SPTA1: variants seen among roughly 807,000 people sequenced by gnomAD.
SPTA1 encodes the protein spectrin alpha, erythrocytic 1, also known as spectrin alpha chain, erythrocytic 1.
SPTA1 carries 177 observed loss-of-function variants against 324.7 expected under a neutral mutation model. The ratio of observed to expected loss-of-function variants is 0.55; its 90% confidence interval spans 0.48 to 0.62. The LOEUF (loss-of-function observed/expected upper bound fraction) is 0.62. Ranked by LOEUF, SPTA1 falls within the 20% of genes least tolerant of loss-of-function variation. The pLI, the probability that SPTA1 is intolerant of heterozygous loss-of-function variation, is 0.00. For synonymous variants in SPTA1, 1,195 were observed against 1,041.3 expected (o/e 1.15, Z -2.84); for missense variants, 3,162 against 2,883.6 (o/e 1.10, Z -2.21).
intron 35 of SPTA1, 122 bp downstream of exon 35, chr1:158,639,460 G>C: frequency 1.0e-6 from 1 of 982,840 alleles, no homozygotes; most frequent in East Asian, 2.4e-5. Context: ...ATGACTGCTG[G>C]TTGAGAACAC....
chr1:158,644,468 C>T, intron 29 of SPTA1, 72 bp from the exon 30 acceptor site: 1 of 1,576,644 alleles, frequency 6.3e-7, no homozygotes, highest in Non-Finnish European at 8.7e-7. Context: ...ACACCTCTTT[C>T]AGGATCATGA....
Position 158,645,351 on chromosome 1 carries a change from G to A in SPTA1, c.4031C>T (p.Thr1344Ile). 1.2e-6 allele frequency: 2 copies of A among 1,613,970 alleles called. No individual in the cohort carries two copies. Among genetic ancestry groups the A allele is most frequent in the African/African-American group, 1.3e-5 (1 of 75,016 alleles). ...ACTGAAGTCCTCTAAGGCCTGGAAGGTGGGAGCCTCTGCCTCCATGTCAGC... is the reference window on the plus strand; with the variant it reads ...ACTGAAGTCCTCTAAGGCCTGGAAGATGGGAGCCTCTGCCTCCATGTCAGC... ...HRADMEAEAP[T>I]FQALEDFSAE... is the part of the protein sequence containing the mutation. The change falls in exon 29 of 52, where the codon ACC becomes ATC. Residue 1344 changes from threonine to isoleucine, a missense_variant. Physicochemically the swap from Thr to Ile is moderately conservative, Grantham distance 89 (BLOSUM62 -1). Transcript: ENST00000643759.
At chr1:158,672,381 A>T (rs1240134401) in intron 10 of SPTA1, among the ~76,000 whole-genome samples, 185 bp from the exon 11 acceptor site, 1 of 152,218 alleles carries the variant, frequency 6.6e-6, no homozygotes, top group Non-Finnish European at 1.5e-5. Context: ...TCCATAAAAG[A>T]GGTAAAACAC....
At chr1:158,683,701 C>A (rs992915176) in intron 2 of SPTA1, among the ~76,000 whole-genome samples, 2 of 151,960 alleles carry the variant, frequency 1.3e-5, no homozygotes, top group Non-Finnish European at 2.9e-5. Context: ...CTATGCCGAG[C>A]CTTATTTTAA....
At chr1:158,617,347 T>C (rs1649618653) in intron 47 of SPTA1, among the ~76,000 whole-genome samples, 190 bp downstream of exon 47, 2 of 152,156 alleles carry the variant, frequency 1.3e-5, no homozygotes, top group Admixed American at 1.3e-4. Context: ...CTCTATTGTG[T>C]AGATGCAGAA....
intron 2 of SPTA1, among the ~76,000 whole-genome samples, chr1:158,684,291 G>T (rs2101955033): frequency 6.6e-6 from 1 of 151,994 alleles, no homozygotes; most frequent in African/African-American, 2.4e-5. Context: ...GAGTTAACCA[G>T]GTTAACTAAA....
intron 16 of SPTA1, among the ~76,000 whole-genome samples, chr1:158,663,255 CTG>C (rs1438075465): frequency 1.3e-5 from 2 of 152,178 alleles, no homozygotes; most frequent in Non-Finnish European, 2.9e-5. Flanking sequence ...TATTGACAAA[CTG>C]GGCCTCAAGG....
intron 22 of SPTA1, among the ~76,000 whole-genome samples, chr1:158,652,889 A>T (rs1025718649): frequency 6.6e-6 from 1 of 152,242 alleles, no homozygotes; most frequent in African/African-American, 2.4e-5. Context: ...ACCCAATAGT[A>T]TGACTGGCAA....
chr1:158,683,595 C>G, intron 2 of SPTA1, 99 bp from the exon 3 acceptor site: 2 of 1,510,678 alleles, frequency 1.3e-6, no homozygotes. Context: ...CTCAAAGGGT[C>G]CCAGACTCAG....
intron 25 of SPTA1, 40 bp from the exon 26 acceptor site, chr1:158,648,693 T>G (rs184594953): frequency 1.2e-6 from 2 of 1,610,102 alleles, no homozygotes; most frequent in Non-Finnish European, 1.7e-6. Context: ...AGTAAGGATA[T>G]GTACCAGAGG....
rs1652182856 is a variant in SPTA1 at position 158,648,670 on chromosome 1, TAG to T, written c.3570-19_3570-18del. 1 of 1,612,642 alleles carries T rather than the reference TAG, an allele frequency of 6.2e-7. No individual in the cohort carries two copies. The highest frequency in any genetic ancestry group is 1.1e-5 in the South Asian group (1 of 91,044). Reference sequence around the variant, plus strand: ...TCTGCTTCTCTGGTATACAAGAGAGTAGAGAGTTCAAAAGTAAGGATATGTAC... The same window carrying T: ...TCTGCTTCTCTGGTATACAAGAGAGTAGAGTTCAAAAGTAAGGATATGTAC... On this transcript the variant is annotated intron_variant, in intron 25 of 51. Transcript: ENST00000643759.
Position 158,642,970 on chromosome 1 carries a change from C to T in SPTA1, c.4449G>A (p.Lys1483=). 6.2e-7 allele frequency: 1 copy of T among 1,613,586 alleles called. No homozygotes were observed. Among genetic ancestry groups the T allele is most frequent in the Non-Finnish European group, 8.5e-7 (1 of 1,179,690 alleles). ...CATCAATCAGTTGTGCTTTGAGAGC[C>T]TTCCACCTAGAGGACGGAGCCAAAT... ...TRLQRVLDRW[K]ALKAQLIDER... Residue 1483 remains lysine, a synonymous_variant, in exon 32 of 52, where the codon AAG becomes AAA. Coordinates refer to ENST00000643759, the MANE Select transcript of SPTA1 (RefSeq NM_003126.4).
In SPTA1 at chr1:158,639,978, C is replaced by A; in HGVS notation, c.4767G>T (p.Trp1589Cys). 1 of 1,613,804 alleles carries A rather than the reference C, an allele frequency of 6.2e-7. No homozygotes were observed. Among genetic ancestry groups the A allele is most frequent in the Non-Finnish European group, 8.5e-7 (1 of 1,179,876 alleles). ...CATTTGTTCTCTCAAGCAGATGATC[C>A]CAATGTTCCTTCAGCTGTTCCAGTT... ...KEQLEQLKEHWDHLLERTNDK... is the reference protein window; with the variant it reads ...KEQLEQLKEHCDHLLERTNDK... Residue 1589 changes from tryptophan to cysteine, a missense_variant, in exon 34 of 52, where the codon TGG becomes TGT. Coordinates refer to ENST00000643759, the MANE Select transcript of SPTA1 (RefSeq NM_003126.4).
intron 18 of SPTA1, 120 bp downstream of exon 18, chr1:158,661,167 T>C (rs1653179285): frequency 6.7e-7 from 1 of 1,490,762 alleles, no homozygotes; most frequent in Non-Finnish European, 9.3e-7. Flanking sequence ...CAAAAGAGCA[T>C]TAAGTGGGAA....
At chr1:158,624,125 G>A (rs1252493922) in intron 42 of SPTA1, among the ~76,000 whole-genome samples, 1 of 151,876 alleles carries the variant, frequency 6.6e-6, no homozygotes, top group East Asian at 1.9e-4. Context: ...TACTGCAGGG[G>A]TAGAAGTCTA....
At position 158,654,746 on chromosome 1, in the gene SPTA1, T is replaced by C. The variant is rs746522248; in HGVS notation, c.2901A>G (p.Gln967=). The change falls in exon 21 of 52, where the codon CAA becomes CAG. Residue 967 remains glutamine (Q), a splice_region_variant and synonymous_variant. Transcript: ENST00000643759. ...ALRNQANACQ[Q]QQAAPVEGVA... ...CTCCCTCCACTGGTGCAGCCTGTTG[T>C]TGCTGAATAAAAACAGGAAGCAGGT... The C allele has an allele frequency of 1.2e-6, 2 of 1,613,566 alleles. No homozygotes were observed. The highest frequency in any genetic ancestry group is 1.1e-5 in the South Asian group (1 of 91,068).
intron 18 of SPTA1, among the ~76,000 whole-genome samples, chr1:158,658,337 T>C (rs958455641): frequency 6.6e-6 from 1 of 152,112 alleles, no homozygotes; most frequent in Middle Eastern, 3.2e-3. Context: ...AGAAGGGTGT[T>C]ACAGAGAGAT....
rs55832242 is a variant in SPTA1 at position 158,611,131 on chromosome 1, G to GCA, written c.*131_*132dup. ...AAATGTAATATGCACACAAACACAA[G>GCA]CACACACACACACACACACACACAC... On this transcript the variant is annotated 3_prime_UTR_variant, in exon 52 of 52. Transcript: ENST00000643759. 33,778 of 667,428 alleles carry GCA rather than the reference G, an allele frequency of 0.051. 212 individuals carry two copies. Among genetic ancestry groups the GCA allele is most frequent in the South Asian group, 0.1 (6,167 of 59,044 alleles). 41.3% of individuals were successfully genotyped at this position (667,428 alleles called of 1,614,324 possible).
At chr1:158,611,542 T>C (rs1446901400) in intron 51 of SPTA1, 153 bp from the exon 52 acceptor site, 2 of 773,534 alleles carry the variant, frequency 2.6e-6, no homozygotes, top group Non-Finnish European at 4.0e-6. Context: ...ATCTCATAAA[T>C]TTATAATTTC....
Sources: allele counts gnomAD v4.1 joint callset (sites outside exome capture counted in the v4.1 genomes callset), GRCh38; gene constraint gnomAD v4.1.1; transcripts MANE v1.5; gene names NCBI Gene and HGNC (gene_info 2026-07-23, HGNC 2026-07-21).